The following FHOD3 variants were observed in gnomAD, a reference collection of about 807,000 sequenced individuals.
FHOD3 encodes formin homology 2 domain containing 3, also known as FH1/FH2 domain-containing protein 3.
Under a neutral mutation model 173.0 loss-of-function variants are expected in FHOD3, and 90 were observed. The observed-to-expected ratio is 0.52, with a 90% CI of 0.44 to 0.62. The LOEUF (loss-of-function observed/expected upper bound fraction) is 0.62, where lower values mean the gene tolerates loss of function less well. Among genes scored for constraint, FHOD3 ranks in the 20% least tolerant of loss-of-function variants. The pLI is 0.00. For missense variants in FHOD3, 1,945 were observed against 2,034.7 expected (o/e 0.96, Z 0.85); for synonymous variants, 828 against 823.0 (o/e 1.01, Z -0.10).
chr18:36,374,409 A>G (rs932036870), intron 3 of FHOD3, among the ~76,000 whole-genome samples: 5 of 152,204 alleles, frequency 3.3e-5, no homozygotes, highest in African/African-American at 9.7e-5. Flanking sequence ...CTTTATGCCA[A>G]TTGCACTGGT....
chr18:36,547,310 C>T (rs907842865), intron 5 of FHOD3, among the ~76,000 whole-genome samples: 4 of 152,236 alleles, frequency 2.6e-5, no homozygotes, highest in African/African-American at 4.8e-5. Context: ...TTGCACATCA[C>T]CACAGCCGAG....
intron 3 of FHOD3, among the ~76,000 whole-genome samples, chr18:36,480,954 C>CA (rs1250402799): frequency 6.8e-5 from 10 of 146,428 alleles, no homozygotes; most frequent in African/African-American, 2.7e-4. Flanking sequence ...TCTGGAAACT[C>CA]AGGCCATTTC....
At chr18:36,526,361 A>G (rs2048276297) in intron 5 of FHOD3, among the ~76,000 whole-genome samples, 1 of 152,106 alleles carries the variant, frequency 6.6e-6, no homozygotes. Context: ...TCAATCCTGT[A>G]TCATTTATTT....
chr18:36,443,559 A>T (rs368016555), intron 3 of FHOD3, among the ~76,000 whole-genome samples: 6 of 152,066 alleles, frequency 3.9e-5, no homozygotes, highest in African/African-American at 1.4e-4. Flanking sequence ...TTTCATGCTT[A>T]TTTTGTATTT....
intron 3 of FHOD3, among the ~76,000 whole-genome samples, chr18:36,476,497 T>A (rs759000790): frequency 2.0e-5 from 3 of 152,078 alleles, no homozygotes; most frequent in Non-Finnish European, 4.4e-5. Context: ...GGGGAAGGCA[T>A]CCCATCACCC....
chr18:36,629,317 C>G (rs967873592), intron 10 of FHOD3, among the ~76,000 whole-genome samples: 1 of 152,200 alleles, frequency 6.6e-6, no homozygotes, highest in African/African-American at 2.4e-5. Context: ...GGCTGCATTC[C>G]AGTGACATTT....
intron 10 of FHOD3, among the ~76,000 whole-genome samples, chr18:36,630,579 C>T (rs1035961854): frequency 6.6e-6 from 1 of 152,160 alleles, no homozygotes; most frequent in Non-Finnish European, 1.5e-5. Context: ...CAGCATAAAA[C>T]AAGTTGGCAA....
At chr18:36,592,882 T>C (rs1328119514) in intron 6 of FHOD3, among the ~76,000 whole-genome samples, 1 of 152,178 alleles carries the variant, frequency 6.6e-6, no homozygotes, top group Non-Finnish European at 1.5e-5. Context: ...CAGGAGATTA[T>C]ATGATGCCTG....
chr18:36,356,876 A>G (rs2046385662), intron 2 of FHOD3, among the ~76,000 whole-genome samples: 1 of 151,950 alleles, frequency 6.6e-6, no homozygotes. Flanking sequence ...AACTCAAGCA[A>G]TTCACCCTCA....
intron 20 of FHOD3, among the ~76,000 whole-genome samples, chr18:36,735,308 G>A (rs1049596689): frequency 2.6e-5 from 4 of 152,160 alleles, no homozygotes; most frequent in African/African-American, 9.7e-5. Flanking sequence ...CGCAGGTGCT[G>A]GATACACACA....
At chr18:36,596,235 A>C (rs2030355189) in intron 7 of FHOD3, among the ~76,000 whole-genome samples, 1 of 150,904 alleles carries the variant, frequency 6.6e-6, no homozygotes, top group Non-Finnish European at 1.5e-5. Flanking sequence ...GCTCACTGCA[A>C]GCTCCACCTC....
chr18:36,687,541 C>T (rs901063514), intron 16 of FHOD3, among the ~76,000 whole-genome samples: 1 of 152,142 alleles, frequency 6.6e-6, no homozygotes, highest in Non-Finnish European at 1.5e-5. Flanking sequence ...ATTTTAGTAT[C>T]CACACTGTGC....
At chr18:36,705,779 G>A (rs761452414) in intron 17 of FHOD3, among the ~76,000 whole-genome samples, 4 of 152,142 alleles carry the variant, frequency 2.6e-5, no homozygotes, top group African/African-American at 4.8e-5. Flanking sequence ...AGGGAAACAA[G>A]CACCTTTTCT....
chr18:36,702,047 T>C (rs1462606107), intron 17 of FHOD3, among the ~76,000 whole-genome samples: 1 of 152,224 alleles, frequency 6.6e-6, no homozygotes, highest in African/African-American at 2.4e-5. Context: ...GCTGTCTCTT[T>C]TGTGAGGCTT....
At chr18:36,735,230 G>A (rs1415933580) in intron 20 of FHOD3, among the ~76,000 whole-genome samples, 4 of 152,222 alleles carry the variant, frequency 2.6e-5, no homozygotes, top group Admixed American at 1.3e-4. Flanking sequence ...TTTGGCCACA[G>A]ATAAAAAATG....
At chr18:36,485,947 A>T (rs1239874869) in intron 3 of FHOD3, among the ~76,000 whole-genome samples, 1 of 151,982 alleles carries the variant, frequency 6.6e-6, no homozygotes, top group African/African-American at 2.4e-5. Flanking sequence ...TTACTGACTC[A>T]TTTCCCCAGA....
At chr18:36,513,874 A>G (rs2055801140) in intron 5 of FHOD3, among the ~76,000 whole-genome samples, 1 of 151,838 alleles carries the variant, frequency 6.6e-6, no homozygotes, top group Non-Finnish European at 1.5e-5. Context: ...TTGCTGACCC[A>G]TGGTGTGTGC....
intron 1 of FHOD3, among the ~76,000 whole-genome samples, chr18:36,301,105 G>T (rs1325019965): frequency 6.6e-6 from 1 of 152,178 alleles, no homozygotes; most frequent in Non-Finnish European, 1.5e-5. Context: ...TAAGTGTGCA[G>T]TTGGGTGAAT....
In FHOD3 at chr18:36,365,711, A is replaced by G. The variant is rs373960021; in HGVS notation, c.273-6969A>G. On this transcript the variant is annotated intron_variant, in intron 2 of 28. Coordinates refer to ENST00000590592, the MANE Select transcript of FHOD3 (RefSeq NM_001281740.3). ...CATTAAAGCTTACAAAAAACGTGTA[A>G]GGGAATGACTATGGAAGAGAGACAC... 6.6e-5 allele frequency among the ~76,000 whole-genome samples: 10 copies of G among 152,298 alleles called. No individual in the cohort carries two copies. In the East Asian group the frequency reaches 1.5e-3, roughly 23 times the overall value.
Sources: allele counts gnomAD v4.1 joint callset (sites outside exome capture counted in the v4.1 genomes callset), GRCh38; gene constraint gnomAD v4.1.1; transcripts MANE v1.5; gene names NCBI Gene and HGNC (gene_info 2026-07-23, HGNC 2026-07-21).